MCF2: variants seen among roughly 807,000 people sequenced by gnomAD.
The protein encoded by MCF2 is MCF.2 cell line derived transforming sequence.
Under a neutral mutation model 82.5 loss-of-function variants are expected in MCF2, and 44 were observed. That is an observed-to-expected ratio of 0.53 (90% CI 0.42 to 0.69). MCF2 has a LOEUF of 0.69. MCF2 is among the 30% of genes least tolerant of loss of function. MCF2 has a pLI of 0.00. For synonymous variants in MCF2, 217 were observed against 224.9 expected, an observed-to-expected ratio of 0.96 and a Z score of 0.32; for missense variants, 623 against 663.1, an observed-to-expected ratio of 0.94 and a Z score of 0.66.
exon 10 of MCF2, chrX:139,614,901 G>C: frequency 1.7e-6 from 2 of 1,204,287 alleles, no homozygotes; most frequent in Non-Finnish European, 2.2e-6. Flanking sequence ...TGAAAAAAAT[G>C]GTGTCCCAGA....
At chrX:139,618,052 A>G (rs762916854) in intron 7 of MCF2, among the ~76,000 whole-genome samples, 5 of 110,674 alleles carry the variant, frequency 4.5e-5, no homozygotes, top group Non-Finnish European at 9.5e-5. Flanking sequence ...ATATTAAATG[A>G]GGTATACACA....
chrX:139,688,902 C>A (rs1013501366), intron 1 of MCF2, among the ~76,000 whole-genome samples: 1 of 111,519 alleles, frequency 9.0e-6, no homozygotes. Flanking sequence ...CAGCTGCAGA[C>A]CCATTCGTCA....
chrX:139,670,469 C>T (rs1014854698), intron 1 of MCF2, among the ~76,000 whole-genome samples: 3 of 110,543 alleles, frequency 2.7e-5, no homozygotes, highest in African/African-American at 9.9e-5. Context: ...CCCCTCCACC[C>T]ACCCCACCAC....
At chrX:139,614,725 A>G (rs983293055) in intron 10 of MCF2, among the ~76,000 whole-genome samples, 156 bp downstream of exon 13, 2 of 111,447 alleles carry the variant, frequency 1.8e-5, no homozygotes, top group African/African-American at 3.3e-5. Flanking sequence ...AATAACCTCA[A>G]TCTGACTCTT....
At chrX:139,629,425 CA>C (rs1932848889) in intron 4 of MCF2, among the ~76,000 whole-genome samples, 1 of 112,009 alleles carries the variant, frequency 8.9e-6, no homozygotes. Flanking sequence ...CATAGTAAAA[CA>C]AAAGACTATA....
At chrX:139,583,703 G>C (rs1435089928) in intron 24 of MCF2, among the ~76,000 whole-genome samples, 2 of 111,544 alleles carry the variant, frequency 1.8e-5, no homozygotes, top group South Asian at 3.8e-4. Context: ...TCAGCATCAC[G>C]CAGTATTCCC....
chrX:139,701,843 C>A (rs779554482), intron 1 of MCF2, among the ~76,000 whole-genome samples: 1 of 112,676 alleles, frequency 8.9e-6, no homozygotes, highest in East Asian at 2.8e-4. Context: ...AGAACCCCAA[C>A]AGACAGAAGT....
At chrX:139,686,261 G>C (rs531065879) in intron 1 of MCF2, among the ~76,000 whole-genome samples, 33 of 111,298 alleles carry the variant, frequency 3.0e-4, no homozygotes, top group African/African-American at 9.8e-4. Context: ...TGGAAGTCCT[G>C]GCCAGAGCAA....
At chrX:139,622,606 C>A (rs1490824861) in intron 6 of MCF2, among the ~76,000 whole-genome samples, 3 of 110,383 alleles carry the variant, frequency 2.7e-5, no homozygotes, top group African/African-American at 9.9e-5. Flanking sequence ...TAGAAACCAT[C>A]ATTCTCAGCA....
intron 3 of MCF2, among the ~76,000 whole-genome samples, chrX:139,630,427 G>A (rs1046493295): frequency 1.8e-5 from 2 of 111,731 alleles, no homozygotes; most frequent in Non-Finnish European, 3.8e-5. Flanking sequence ...GTACGGTTTT[G>A]TTGTTTCTTT....
At chrX:139,634,988 C>A (rs989263812) in intron 1 of MCF2, among the ~76,000 whole-genome samples, 4 of 111,448 alleles carry the variant, frequency 3.6e-5, no homozygotes, top group Non-Finnish European at 7.5e-5. Context: ...TCCAGTTACT[C>A]AGGAGGCTGA....
chrX:139,594,270 C>T (rs1400127713), intron 19 of MCF2, among the ~76,000 whole-genome samples: 1 of 110,848 alleles, frequency 9.0e-6, no homozygotes, highest in East Asian at 2.8e-4. Flanking sequence ...ACCGCCAAGT[C>T]AATCCTAAGC....
chrX:139,635,514 G>A (rs1459314257), intron 1 of MCF2, among the ~76,000 whole-genome samples: 2 of 109,954 alleles, frequency 1.8e-5, no homozygotes, highest in African/African-American at 3.3e-5. Flanking sequence ...AAAATTAGCC[G>A]GGTGTGTTGG....
At chrX:139,591,315 G>A (rs1243030778) in intron 19 of MCF2, among the ~76,000 whole-genome samples, 1 of 111,376 alleles carries the variant, frequency 9.0e-6, no homozygotes, top group Non-Finnish European at 1.9e-5. Flanking sequence ...TTTCTAAAGT[G>A]TGAGTTTGCT....
At chrX:139,635,209 C>T (rs191559123) in intron 1 of MCF2, among the ~76,000 whole-genome samples, 219 of 111,475 alleles carry the variant, frequency 2.0e-3, no homozygotes, top group African/African-American at 6.5e-3. Flanking sequence ...AGCAGATTGC[C>T]AAGAGCCCTG....
chrX:139,604,562 G>T, intron 15 of MCF2, 119 bp downstream of exon 19: 1 of 429,355 alleles, frequency 2.3e-6, no homozygotes, highest in Non-Finnish European at 3.9e-6. Context: ...GGAGTAATGT[G>T]TCCTCTCCAA....
chrX:139,668,030 C>G (rs1340350661), intron 1 of MCF2, among the ~76,000 whole-genome samples: 1 of 111,902 alleles, frequency 8.9e-6, no homozygotes, highest in Non-Finnish European at 1.9e-5. Context: ...CCCCATGACT[C>G]AGTTGCAGCC....
intron 1 of MCF2, among the ~76,000 whole-genome samples, chrX:139,681,298 T>TA (rs1934992671): frequency 8.9e-6 from 1 of 111,863 alleles, no homozygotes; most frequent in African/African-American, 3.2e-5. Flanking sequence ...TCTTGGCTGA[T>TA]AGCAGCGGCT....
At chrX:139,660,173 A>G (rs1934317992) in intron 1 of MCF2, among the ~76,000 whole-genome samples, 2 of 112,003 alleles carry the variant, frequency 1.8e-5, no homozygotes, top group African/African-American at 6.5e-5. Flanking sequence ...CATGTCATCT[A>G]TCTAGTTCCC....
Sources: gnomAD v4.1 joint callset for allele counts (sites outside exome capture counted in the v4.1 genomes callset) on GRCh38, gnomAD v4.1.1 for gene constraint, MANE v1.5 for transcripts, NCBI Gene and HGNC (gene_info 2026-07-23, HGNC 2026-07-21) for gene names.